Variants in PRSS23 observed in about 807,000 individuals in gnomAD.
The protein encoded by PRSS23 is protease, serine 23.
In PRSS23, 25 loss-of-function variants were observed where a neutral mutation model predicts 34.7. That is an observed-to-expected ratio of 0.72 (90% confidence interval 0.53 to 1.01). PRSS23 has a LOEUF of 1.01. Among genes scored for constraint, PRSS23 ranks in the 50% least tolerant of loss-of-function variants. PRSS23 has a pLI of 0.00. For synonymous variants in PRSS23, 176 were observed against 186.6 expected (o/e 0.94, Z 0.46); for missense variants, 445 against 475.6 (o/e 0.94, Z 0.60).
At chr11:86,939,303 G>GTGTC (rs1949185299) in intron 2 of PRSS23, among the ~76,000 whole-genome samples, 1 of 150,460 alleles carries the variant, frequency 6.6e-6, no homozygotes, top group South Asian at 2.1e-4. Context: ...TCACCACTAG[G>GTGTC]TGTCATTAGA....
Position 86,825,050 on chromosome 11 carries a change from G to A in PRSS23, c.206+1457G>A, listed in dbSNP as rs549328565. ...TCTAGTTCTAGATCCCTGAGGAATC[G>A]CCACACTGTCTTCCACAATGGTTGA... On this transcript the variant is annotated intron_variant, in intron 2 of 2. Coordinates refer to the PRSS23 transcript ENST00000533902. Among the ~76,000 whole-genome samples, 622 of 152,088 alleles carry A rather than the reference G, an allele frequency of 4.1e-3. 1 individual carries two copies. Among genetic ancestry groups the A allele is most frequent in the Non-Finnish European group, 6.7e-3 (456 of 67,996 alleles).
At chr11:86,820,559 C>T (rs553419947) in intron 1 of PRSS23, among the ~76,000 whole-genome samples, 1 of 152,060 alleles carries the variant, frequency 6.6e-6, no homozygotes, top group African/African-American at 2.4e-5. Context: ...TTATGTAGCA[C>T]AGTAAAATTA....
chr11:86,793,533 C>G (rs962604830), intron 1 of PRSS23, among the ~76,000 whole-genome samples: 4 of 152,166 alleles, frequency 2.6e-5, no homozygotes, highest in African/African-American at 4.8e-5. Flanking sequence ...CAAGTGGAAA[C>G]TGAATTTGTT....
At chr11:86,921,072 C>G (rs746918311) in intron 2 of PRSS23, among the ~76,000 whole-genome samples, 2 of 152,304 alleles carry the variant, frequency 1.3e-5, no homozygotes, top group South Asian at 4.1e-4. Context: ...CCTCCTACTC[C>G]GTTCAACATT....
chr11:86,793,726 T>A (rs534725473), intron 1 of PRSS23, among the ~76,000 whole-genome samples: 1 of 152,310 alleles, frequency 6.6e-6, no homozygotes, highest in South Asian at 2.1e-4. Flanking sequence ...AGAATTTTAT[T>A]CATTAATTTA....
At chr11:86,939,398 A>AT (rs1949186816) in intron 2 of PRSS23, among the ~76,000 whole-genome samples, 11 of 62,046 alleles carry the variant, frequency 1.8e-4, no homozygotes, top group African/African-American at 4.7e-4. Flanking sequence ...TCAGTTAAAA[A>AT]AAAAAATATA....
intron 2 of PRSS23, among the ~76,000 whole-genome samples, chr11:86,925,671 AC>A (rs761351662): frequency 5.3e-5 from 8 of 152,210 alleles, no homozygotes; most frequent in Admixed American, 2.0e-4. Flanking sequence ...GCTTGTAACA[AC>A]CAAACAAATT....
chr11:86,858,571 A>G (rs1948589654), intron 2 of PRSS23, among the ~76,000 whole-genome samples: 1 of 151,852 alleles, frequency 6.6e-6, no homozygotes, highest in South Asian at 2.1e-4. Context: ...CAACAGGTGT[A>G]CAACTCCCTA....
Position 86,900,424 on chromosome 11 carries a change from C to T in PRSS23, c.207-50792C>T, listed in dbSNP as rs79506380. Among the ~76,000 whole-genome samples, 1,361 of 152,272 alleles carry T rather than the reference C, an allele frequency of 8.9e-3. 20 individuals are homozygous for T. The highest frequency in any genetic ancestry group is 0.032 in the African/African-American group (1,321 of 41,558). On this transcript the variant is annotated intron_variant, in intron 2 of 2. Coordinates refer to the PRSS23 transcript ENST00000533902. ...GCTTTTCTTAAATGCATATCTGATCCATTCTGCACACAGAATTCAGAGATA... is the reference window on the plus strand; with the variant it reads ...GCTTTTCTTAAATGCATATCTGATCTATTCTGCACACAGAATTCAGAGATA...
intron 2 of PRSS23, among the ~76,000 whole-genome samples, chr11:86,830,224 A>G (rs991998524): frequency 3.3e-5 from 5 of 152,206 alleles, no homozygotes; most frequent in East Asian, 1.9e-4. Context: ...CCTCACTGCC[A>G]CCTTGCAGTT....
chr11:86,901,891 G>A (rs1948913994), intron 2 of PRSS23, among the ~76,000 whole-genome samples: 1 of 152,164 alleles, frequency 6.6e-6, no homozygotes, highest in Admixed American at 6.5e-5. Flanking sequence ...GGCATGTCAA[G>A]CCATGGTCAT....
intron 2 of PRSS23, among the ~76,000 whole-genome samples, chr11:86,846,836 T>G (rs1948489836): frequency 6.6e-6 from 1 of 152,212 alleles, no homozygotes. Context: ...ATGGCTATTT[T>G]GAAGGACCAG....
At chr11:86,874,555 C>T (rs1408214280) in intron 2 of PRSS23, among the ~76,000 whole-genome samples, 3 of 152,176 alleles carry the variant, frequency 2.0e-5, no homozygotes, top group Non-Finnish European at 2.9e-5. Flanking sequence ...GCCCCGTGGC[C>T]ACTACAGTAC....
At position 86,821,654 on chromosome 11, in the gene PRSS23, G is replaced by A. The variant is rs543959833; in HGVS notation, c.-11-1723G>A. On this transcript the variant is annotated intron_variant, in intron 1 of 2. Transcript: ENST00000533902. ...TCATCTTGGCCTTCAGCTGGTTCAAGAATTTTGTCAATATTGGAGCAATCT... is the reference window on the plus strand; with the variant it reads ...TCATCTTGGCCTTCAGCTGGTTCAAAAATTTTGTCAATATTGGAGCAATCT... 4.9e-5 allele frequency: 77 copies of A among 1,569,222 alleles called. No homozygotes were observed. The African/African-American group carries it at 8.9e-4, about 18-fold the overall frequency.
At position 86,847,447 on chromosome 11, in the gene PRSS23, C is replaced by T. The variant is rs555856668; in HGVS notation, c.206+23854C>T. ...GGGGCAAGGGAAGTTTCCATCCTGCCAGTAAGCATGGTTAAATCTGGTAGA... is the reference window on the plus strand; with the variant it reads ...GGGGCAAGGGAAGTTTCCATCCTGCTAGTAAGCATGGTTAAATCTGGTAGA... On this transcript the variant is annotated intron_variant, in intron 2 of 2. Transcript: ENST00000533902. Among the ~76,000 whole-genome samples the T allele has an allele frequency of 2.8e-4, 42 of 152,264 alleles. No individual in the cohort carries two copies. In the East Asian group the frequency reaches 6.4e-3, roughly 23 times the overall value.
intron 2 of PRSS23, among the ~76,000 whole-genome samples, chr11:86,831,789 G>A (rs1009122345): frequency 1.3e-5 from 2 of 151,820 alleles, no homozygotes; most frequent in African/African-American, 4.8e-5. Flanking sequence ...ATTCTAGAGA[G>A]ATGTTACTCC....
intron 2 of PRSS23, among the ~76,000 whole-genome samples, chr11:86,844,764 C>T (rs182865660): frequency 2.0e-5 from 3 of 152,250 alleles, no homozygotes; most frequent in Admixed American, 1.3e-4. Flanking sequence ...TGGCATGTTG[C>T]TGGAAGGGAT....
At chr11:86,875,336 A>G (rs1165485460) in intron 2 of PRSS23, among the ~76,000 whole-genome samples, 1 of 152,132 alleles carries the variant, frequency 6.6e-6, no homozygotes, top group Non-Finnish European at 1.5e-5. Flanking sequence ...ATGCGGTTGC[A>G]CTCCAGCCTG....
At chr11:86,829,394 T>C (rs1948331668) in intron 2 of PRSS23, among the ~76,000 whole-genome samples, 1 of 152,192 alleles carries the variant, frequency 6.6e-6, no homozygotes. Flanking sequence ...TATACATTCG[T>C]CTAAATTTTT....
Sources: allele counts gnomAD v4.1 joint callset (sites outside exome capture counted in the v4.1 genomes callset), GRCh38; gene constraint gnomAD v4.1.1; transcripts MANE v1.5; gene names NCBI Gene and HGNC (gene_info 2026-07-23, HGNC 2026-07-21).